The following MLC1 variants were observed in gnomAD, a reference collection of about 807,000 sequenced individuals.
MLC1 encodes modulator of VRAC current 1, also known as membrane protein MLC1.
In MLC1, 32 loss-of-function variants were observed where a neutral mutation model predicts 44.7. The ratio of observed to expected loss-of-function variants is 0.72; its 90% CI spans 0.54 to 0.96. The LOEUF is 0.96. Among genes scored for constraint, MLC1 ranks in the 40% least tolerant of loss-of-function variants. MLC1 has a pLI of 0.00. For synonymous variants in MLC1, 190 were observed against 213.0 expected (o/e 0.89, Z 0.94); for missense variants, 459 against 492.2 (o/e 0.93, Z 0.64).
Position 50,083,733 on chromosome 22 carries a change from C to T in MLC1, c.178-560G>A, listed in dbSNP as rs192713453. 6.6e-6 allele frequency among the ~76,000 whole-genome samples: 1 copy of T among 152,104 alleles called. No homozygotes were observed. Among genetic ancestry groups the T allele is most frequent in the Non-Finnish European group, 1.5e-5 (1 of 68,018 alleles). ...GCAGGGGTGCGGTGGGGAGGGGGCT[C>T]TCTCTCACGCACAGCACCCCCGGGG... On this transcript the variant is annotated intron_variant, in intron 2 of 11. Transcript: ENST00000311597. The surrounding 1 kb of genome is among the most constrained non-coding windows in gnomAD (Gnocchi z 4.6).
chr22:50,076,740 C>G, intron 7 of MLC1, 101 bp downstream of exon 7: 12 of 1,297,196 alleles, frequency 9.3e-6, no homozygotes, highest in Non-Finnish European at 1.3e-5. Context: ...TGTAGACAGC[C>G]AACTCTTCGC....
In MLC1 at chr22:50,079,971, T is replaced by C. The variant is rs1335201253; in HGVS notation, c.370A>G (p.Thr124Ala). Residue 124 changes from threonine to alanine, a missense_variant, in exon 5 of 12, where the codon ACG becomes GCG. Transcript: ENST00000311597. ...TTGCATCCAAACCAAATTAAACACG[T>C]AGTGGTCACAGCAAACGTGGAAACA... Reference protein sequence around the residue: ...LFVSTFAVTTTCLIWFGCKLV... With the variant: ...LFVSTFAVTTACLIWFGCKLV... The C allele has an allele frequency of 1.2e-6, 2 of 1,614,194 alleles. No individual in the cohort carries two copies. Among genetic ancestry groups the C allele is most frequent in the South Asian group, 1.1e-5 (1 of 91,092 alleles).
intron 8 of MLC1, among the ~76,000 whole-genome samples, chr22:50,071,501 A>G (rs1159029423): frequency 1.3e-5 from 2 of 152,138 alleles, no homozygotes; most frequent in Non-Finnish European, 2.9e-5. Flanking sequence ...GGAGTCCCTC[A>G]GCCTCTGTCA....
At chr22:50,084,396 T>C (rs1480968866) in intron 2 of MLC1, among the ~76,000 whole-genome samples, 1 of 152,136 alleles carries the variant, frequency 6.6e-6, no homozygotes, top group Non-Finnish European at 1.5e-5. Flanking sequence ...CCTTTGCAGG[T>C]GACCCCTCAG....
At position 50,063,022 on chromosome 22, in the gene MLC1, G is replaced by A. The variant is rs1321518472; in HGVS notation, c.1059+1012C>T. 7.2e-5 allele frequency among the ~76,000 whole-genome samples: 11 copies of A among 152,278 alleles called. No homozygotes were observed. The South Asian group carries it at 2.1e-3, about 29-fold the overall frequency. On this transcript the variant is annotated intron_variant, in intron 11 of 11. Transcript: ENST00000311597. ...TGGGCATTGCCTTCCCTGCAGAACC[G>A]CGTCCCCACCAGAGACCAGGGAAGG...
At chr22:50,067,828 GAC>G (rs2061748176) in intron 10 of MLC1, among the ~76,000 whole-genome samples, 1 of 119,312 alleles carries the variant, frequency 8.4e-6, no homozygotes. Flanking sequence ...TCCCCCATCA[GAC>G]AGTGACTCCA....
Position 50,076,858 on chromosome 22 carries a change from C to A in MLC1, c.580G>T (p.Val194Phe). The A allele has an allele frequency of 6.2e-7, 1 of 1,613,918 alleles. No individual in the cohort carries two copies. Among genetic ancestry groups the A allele is most frequent in the Non-Finnish European group, 8.5e-7 (1 of 1,179,870 alleles). Residue 194 changes from valine (V) to phenylalanine (F), a missense_variant, in exon 7 of 12, where the codon GTC (valine) becomes TTC (phenylalanine). By Grantham distance (50) the Val-to-Phe change is conservative. Coordinates refer to ENST00000311597, the MANE Select transcript of MLC1 (RefSeq NM_015166.4). The part of the protein sequence containing the change: ...ILDEVPFPAR[V>F]LKSYSVVEVI... ...TTTCTTACTGAGTAAGATTTCAGGA[C>A]CCGAGCAGGAAATGGCACTTCGTCC...
At chr22:50,062,629 C>T (rs2061596255) in intron 11 of MLC1, among the ~76,000 whole-genome samples, 1 of 152,250 alleles carries the variant, frequency 6.6e-6, no homozygotes, top group African/African-American at 2.4e-5. Context: ...GGCTCTGCAC[C>T]AAGGTTCTGA....
chr22:50,077,368 C>A (rs878961790), intron 6 of MLC1, 33 bp downstream of exon 6: 1 of 1,593,796 alleles, frequency 6.3e-7, no homozygotes, highest in South Asian at 1.1e-5. Context: ...GCCTCTGCAC[C>A]CCCTGCCCTG....
At chr22:50,082,865 A>C (rs1460149414) in intron 3 of MLC1, among the ~76,000 whole-genome samples, 1 of 152,060 alleles carries the variant, frequency 6.6e-6, no homozygotes, top group African/African-American at 2.4e-5. Flanking sequence ...GGGTTTGTCC[A>C]TGTTGGTCAG....
chr22:50,078,687 C>T (rs931956853), intron 5 of MLC1, among the ~76,000 whole-genome samples: 10 of 149,568 alleles, frequency 6.7e-5, no homozygotes, highest in African/African-American at 2.5e-4. Context: ...TGCCGTGAGC[C>T]GAGATGGAGC....
chr22:50,066,117 C>T (rs561425884), intron 10 of MLC1, among the ~76,000 whole-genome samples: 2 of 152,026 alleles, frequency 1.3e-5, no homozygotes, highest in South Asian at 2.1e-4. Flanking sequence ...GTGGGCGGAT[C>T]GCTTGAGCCC....
At chr22:50,082,428 T>A (rs978767496) in intron 3 of MLC1, among the ~76,000 whole-genome samples, 9 of 152,354 alleles carry the variant, frequency 5.9e-5, no homozygotes, top group Admixed American at 5.2e-4. Context: ...GCCTTGGCAC[T>A]GTGTAAGTTT....
Position 50,079,010 on chromosome 22 carries a change from G to A in MLC1, c.423+908C>T, listed in dbSNP as rs561996187. Among the ~76,000 whole-genome samples, 29 of 151,870 alleles carry A rather than the reference G, an allele frequency of 1.9e-4. No homozygotes were observed. In the South Asian group the frequency reaches 5.0e-3, roughly 26 times the overall value. ...AATAAAGAAGCGTCACAGGCCGGGCGCGGTGGCTCATACCTGTAATCCCAG... is the reference window on the plus strand; with the variant it reads ...AATAAAGAAGCGTCACAGGCCGGGCACGGTGGCTCATACCTGTAATCCCAG... On this transcript the variant is annotated intron_variant, in intron 5 of 11. Coordinates refer to ENST00000311597, the MANE Select transcript of MLC1 (RefSeq NM_015166.4).
chr22:50,061,741 C>T (rs892995236), intron 11 of MLC1, 84 bp from the exon 12 acceptor site: 21 of 1,273,294 alleles, frequency 1.6e-5, no homozygotes, highest in Middle Eastern at 1.8e-4. Flanking sequence ...CCACAGGCAG[C>T]GAGCAGCCAG....
intron 7 of MLC1, among the ~76,000 whole-genome samples, chr22:50,074,878 G>A (rs1172633389): frequency 3.3e-5 from 5 of 152,208 alleles, no homozygotes; most frequent in Non-Finnish European, 7.3e-5. Flanking sequence ...TGCATAATCT[G>A]CCCCTTAATT....
chr22:50,084,658 G>T, intron 2 of MLC1, 68 bp downstream of exon 2: 2 of 1,546,538 alleles, frequency 1.3e-6, no homozygotes, highest in Non-Finnish European at 1.8e-6. Context: ...GCTCCAGGGC[G>T]CTGCAGTCCG....
chr22:50,080,236 G>T, intron 4 of MLC1, 108 bp downstream of exon 4: 1 of 1,410,598 alleles, frequency 7.1e-7, no homozygotes. Flanking sequence ...GCCCCTCTCG[G>T]TGCCACAACG....
intron 6 of MLC1, 58 bp from the exon 7 acceptor site, chr22:50,076,970 G>T (rs112940411): frequency 3.8e-6 from 6 of 1,590,160 alleles, no homozygotes; most frequent in Middle Eastern, 1.7e-4. Flanking sequence ...CAGCACTGCC[G>T]CTGGCATCCG....
Sources: gnomAD v4.1 joint callset for allele counts (sites outside exome capture counted in the v4.1 genomes callset) on GRCh38, gnomAD v4.1.1 for gene constraint, Gnocchi (gnomAD v3.1) non-coding constraint, MANE v1.5 for transcripts, NCBI Gene and HGNC (gene_info 2026-07-23, HGNC 2026-07-21) for gene names.